EDA: variants seen among roughly 807,000 people sequenced by gnomAD.
EDA encodes ectodysplasin-A.
Under a neutral mutation model 23.6 loss-of-function variants are expected in EDA, and 2 were observed. That is an observed-to-expected ratio of 0.08 (90% CI 0.03 to 0.27). The LOEUF is 0.27. Ranked by LOEUF, EDA falls within the 10% of genes least tolerant of loss-of-function variation. The probability of loss-of-function intolerance (pLI) is 1.00; values close to 1 mark genes in which losing one functional copy is unlikely to be tolerated. For missense variants in EDA, 229 were observed against 324.2 expected, an observed-to-expected ratio of 0.71 and a Z score of 2.26; for synonymous variants, 131 against 132.0, an observed-to-expected ratio of 0.99 and a Z score of 0.05.
intron 1 of EDA, among the ~76,000 whole-genome samples, chrX:69,770,688 C>T (rs1345124363): frequency 9.0e-6 from 1 of 111,123 alleles, no homozygotes; most frequent in Non-Finnish European, 1.9e-5. Flanking sequence ...CTTTTCATCC[C>T]CTTAAGAGGG....
intron 1 of EDA, among the ~76,000 whole-genome samples, chrX:69,759,683 G>C (rs1179696185): frequency 9.0e-6 from 1 of 111,374 alleles, no homozygotes; most frequent in Non-Finnish European, 1.9e-5. Flanking sequence ...AACAATAAGT[G>C]AGCCCCATGG....
At chrX:69,756,530 C>T (rs1376085110) in intron 1 of EDA, among the ~76,000 whole-genome samples, 1 of 111,461 alleles carries the variant, frequency 9.0e-6, no homozygotes, top group Non-Finnish European at 1.9e-5. Context: ...AGCCCTCATC[C>T]ATCTGCTTCC....
chrX:69,799,417 A>C (rs1048677701), intron 1 of EDA, among the ~76,000 whole-genome samples: 5 of 110,946 alleles, frequency 4.5e-5, no homozygotes, highest in Non-Finnish European at 7.6e-5. Context: ...GAATGGGAGA[A>C]GGTAATATGC....
chrX:69,649,981 A>G (rs1351110036), intron 1 of EDA, among the ~76,000 whole-genome samples: 1 of 112,074 alleles, frequency 8.9e-6, no homozygotes, highest in African/African-American at 3.2e-5. Flanking sequence ...CCACATCTTT[A>G]TGGGAAATGT....
chrX:69,758,751 G>A (rs921454652), intron 1 of EDA, among the ~76,000 whole-genome samples: 2 of 112,385 alleles, frequency 1.8e-5, no homozygotes, highest in Admixed American at 1.9e-4. Context: ...CAGGAGAATC[G>A]CTTGAGCCCG....
At chrX:69,630,101 T>A (rs1393101873) in intron 1 of EDA, among the ~76,000 whole-genome samples, 1 of 111,499 alleles carries the variant, frequency 9.0e-6, no homozygotes, top group Non-Finnish European at 1.9e-5. Flanking sequence ...ATGCCGGTGT[T>A]CCAAATAATA....
intron 1 of EDA, among the ~76,000 whole-genome samples, chrX:69,812,020 C>T (rs111783205): frequency 0.018 from 1,964 of 111,745 alleles, 48 homozygotes; most frequent in African/African-American, 0.061. Flanking sequence ...TACTCAGGCT[C>T]TTTATTATAA....
At chrX:69,818,380 C>G (rs2016130318) in intron 1 of EDA, among the ~76,000 whole-genome samples, 1 of 111,268 alleles carries the variant, frequency 9.0e-6, no homozygotes, top group Non-Finnish European at 1.9e-5. Flanking sequence ...CAGAGCTGAA[C>G]TAAAGGAGAT....
intron 1 of EDA, among the ~76,000 whole-genome samples, chrX:69,717,090 C>T (rs774496166): frequency 9.0e-6 from 1 of 111,133 alleles, no homozygotes; most frequent in East Asian, 2.8e-4. Flanking sequence ...CTGGCTAGGA[C>T]CTACAATACC....
rs1569281360 is a variant in EDA at position 69,645,624 on chromosome X, A to ATATATATATATGTGTG, written c.396+28933_396+28934insGTGTATATATATATGT. 9.3e-5 allele frequency among the ~76,000 whole-genome samples: 8 copies of ATATATATATATGTGTG among 86,206 alleles called. No individual in the cohort carries two copies. In the East Asian group the frequency reaches 4.4e-3, roughly 47 times the overall value. The allele number at this position is 86,206 out of a possible 115,157, so 74.9% of individuals were successfully genotyped here. On this transcript the variant is annotated intron_variant, in intron 1 of 7. Transcript: ENST00000374552. Reference sequence around the variant, plus strand: ...TGTGTATATATATATATGTGTGTGTATATATATATATGTATAAAATACTTG... The same window carrying ATATATATATATGTGTG: ...TGTGTATATATATATATGTGTGTGTATATATATATATGTGTGTATATATATATGTATAAAATACTTG...
chrX:69,689,354 G>A lies in EDA; in HGVS notation c.396+72650G>A, dbSNP rs754482697. Among the ~76,000 whole-genome samples the A allele has an allele frequency of 8.6e-5, 9 of 104,960 alleles. No individual in the cohort carries two copies. In the East Asian group the frequency reaches 2.4e-3, roughly 28 times the overall value. The allele number at this position is 104,960 out of a possible 115,157, so 91.1% of individuals were successfully genotyped here. Reference sequence around the variant, plus strand: ...TCTGTCGCCCAGGCTAGAGTGCAGTGGCGCAATCTTGGCTCACTGCAAACT... The same window carrying A: ...TCTGTCGCCCAGGCTAGAGTGCAGTAGCGCAATCTTGGCTCACTGCAAACT... On this transcript the variant is annotated intron_variant, in intron 1 of 7. Coordinates refer to ENST00000374552, the MANE Select transcript of EDA (RefSeq NM_001399.5).
At chrX:69,752,001 A>G (rs1157327200) in intron 1 of EDA, among the ~76,000 whole-genome samples, 1 of 111,056 alleles carries the variant, frequency 9.0e-6, no homozygotes, top group African/African-American at 3.3e-5. Context: ...TTTTCTAGAT[A>G]TACAATCATG....
chrX:69,979,708 TA>T (rs1450211388), intron 2 of EDA, among the ~76,000 whole-genome samples: 1 of 111,742 alleles, frequency 8.9e-6, no homozygotes, highest in Non-Finnish European at 1.9e-5. Context: ...AATGTCTATT[TA>T]GATATTTTGC....
intron 1 of EDA, among the ~76,000 whole-genome samples, chrX:69,681,976 A>G (rs1278470062): frequency 2.8e-5 from 3 of 108,960 alleles, no homozygotes; most frequent in Non-Finnish European, 3.8e-5. Flanking sequence ...GTCTTTGATG[A>G]TCGTGATGTA....
intron 1 of EDA, among the ~76,000 whole-genome samples, chrX:69,771,043 GTATTTATT>G (rs748339806): frequency 1.8e-5 from 2 of 109,468 alleles, no homozygotes; most frequent in African/African-American, 3.3e-5. Context: ...TGCAAAGAAA[GTATTTATT>G]TATTTATTTA....
chrX:69,778,360 A>C (rs1288581459), intron 1 of EDA, among the ~76,000 whole-genome samples: 1 of 111,447 alleles, frequency 9.0e-6, no homozygotes, highest in African/African-American at 3.3e-5. Context: ...AGAAAAAATA[A>C]CTGGAGGCAA....
At chrX:69,703,876 C>T (rs1428936792) in intron 1 of EDA, among the ~76,000 whole-genome samples, 1 of 111,565 alleles carries the variant, frequency 9.0e-6, no homozygotes, top group Non-Finnish European at 1.9e-5. Context: ...TGTAATATAT[C>T]GTTATAATTT....
At chrX:69,775,195 G>A (rs1280644601) in intron 1 of EDA, among the ~76,000 whole-genome samples, 1 of 111,493 alleles carries the variant, frequency 9.0e-6, no homozygotes, top group African/African-American at 3.3e-5. Context: ...ATTTTTGACA[G>A]ACATGTTTGG....
intron 2 of EDA, among the ~76,000 whole-genome samples, chrX:69,973,910 C>G (rs1159401714): frequency 9.1e-6 from 1 of 110,454 alleles, no homozygotes; most frequent in African/African-American, 3.3e-5. Flanking sequence ...ATTTAAGAAG[C>G]AAGTCATCTC....
Sources: allele counts gnomAD v4.1 joint callset (sites outside exome capture counted in the v4.1 genomes callset), GRCh38; gene constraint gnomAD v4.1.1; transcripts MANE v1.5; gene names NCBI Gene and HGNC (gene_info 2026-07-23, HGNC 2026-07-21).